CLEC2L: variants seen among roughly 807,000 people sequenced by gnomAD.
CLEC2L encodes C-type lectin domain family 2, member L.
In CLEC2L, 14 loss-of-function variants were observed where a neutral mutation model predicts 23.6. The ratio of observed to expected loss-of-function variants is 0.59; its 90% CI spans 0.39 to 0.93. CLEC2L has a LOEUF of 0.93. CLEC2L is among the 40% of genes least tolerant of loss of function. CLEC2L has a pLI of 0.00. For missense variants in CLEC2L, 264 were observed against 282.4 expected (o/e 0.93, Z 0.47); for synonymous variants, 114 against 121.3 (o/e 0.94, Z 0.40).
intron 4 of CLEC2L, 26 bp downstream of exon 4, chr7:139,542,147 T>C (rs973057885): frequency 6.5e-7 from 1 of 1,541,312 alleles, no homozygotes; most frequent in East Asian, 2.3e-5. Context: ...ATCTTCTGGC[T>C]ACCGAGCTTA....
chr7:139,531,679 C>T lies in CLEC2L; in HGVS notation c.191-4595C>T, dbSNP rs185096017. Among the ~76,000 whole-genome samples, 293 of 152,106 alleles carry T rather than the reference C, an allele frequency of 1.9e-3. 3 individuals carry two copies. Among genetic ancestry groups the T allele is most frequent in the Admixed American group, 0.014 (218 of 15,268 alleles). On this transcript the variant is annotated intron_variant, in intron 1 of 4. Transcript: ENST00000422142. ...ATCCCAGCACTTTGGGAGGCTGAGG[C>T]GGGTGGATCACCTGAGGTCAGGAGT...
intron 4 of CLEC2L, among the ~76,000 whole-genome samples, chr7:139,543,985 G>A (rs146048822): frequency 6.6e-6 from 1 of 152,326 alleles, no homozygotes; most frequent in East Asian, 1.9e-4. Context: ...TGAGAATGGG[G>A]AAGTGCATGT....
chr7:139,525,586 G>A (rs1446890315), intron 1 of CLEC2L, among the ~76,000 whole-genome samples: 4 of 152,170 alleles, frequency 2.6e-5, no homozygotes, highest in Admixed American at 2.6e-4. Flanking sequence ...TGTTGGAGTG[G>A]CCCTGTGTTC....
chr7:139,534,098 G>A (rs141378214), intron 1 of CLEC2L: 83 of 604,866 alleles, frequency 1.4e-4, no homozygotes, highest in African/African-American at 1.3e-3. Flanking sequence ...ATTGGTGAGA[G>A]GATGTGGAGA....
intron 1 of CLEC2L, among the ~76,000 whole-genome samples, chr7:139,529,299 T>A (rs1449878408): frequency 6.6e-6 from 1 of 152,228 alleles, no homozygotes; most frequent in African/African-American, 2.4e-5. Context: ...CATTACCTCA[T>A]TTTCAAGATG....
At chr7:139,525,527 T>G (rs563577663) in intron 1 of CLEC2L, among the ~76,000 whole-genome samples, 1 of 152,116 alleles carries the variant, frequency 6.6e-6, no homozygotes. Context: ...TTGTGTGGAA[T>G]GGATGGAGGT....
chr7:139,535,549 A>T (rs1797640480), intron 1 of CLEC2L, among the ~76,000 whole-genome samples: 1 of 152,252 alleles, frequency 6.6e-6, no homozygotes, highest in Admixed American at 6.5e-5. Flanking sequence ...CACAATTTTT[A>T]AAATCCTTAA....
chr7:139,526,572 C>T (rs984390559), intron 1 of CLEC2L, among the ~76,000 whole-genome samples: 1 of 152,228 alleles, frequency 6.6e-6, no homozygotes, highest in African/African-American at 2.4e-5. Flanking sequence ...TCAGAGGTTC[C>T]AGGACAGGGA....
At chr7:139,530,851 A>T (rs1321635216) in intron 1 of CLEC2L, among the ~76,000 whole-genome samples, 6 of 150,260 alleles carry the variant, frequency 4.0e-5, no homozygotes, top group Non-Finnish European at 8.9e-5. Flanking sequence ...GCCTCTAGAC[A>T]TCACCACACT....
chr7:139,535,723 T>C (rs1797644122), intron 1 of CLEC2L, among the ~76,000 whole-genome samples: 1 of 150,664 alleles, frequency 6.6e-6, no homozygotes, highest in African/African-American at 2.4e-5. Context: ...AGGAAGTATC[T>C]GTGGAGGAGG....
Position 139,540,244 on chromosome 7 carries a change from G to C in CLEC2L, c.266-77G>C. 1 of 1,463,720 alleles carries C rather than the reference G, an allele frequency of 6.8e-7. No homozygotes were observed. 90.7% of individuals were successfully genotyped at this position (1,463,720 alleles called of 1,614,324 possible). On this transcript the variant is annotated intron_variant, in intron 2 of 4. Coordinates refer to ENST00000422142, the MANE Select transcript of CLEC2L (RefSeq NM_001080511.4). This position sits in a 1 kb window ranked among gnomAD's most constrained non-coding sequence, Gnocchi z 5.8. ...CCTGCAGGACGCCAAAGCTGAGGCA[G>C]GGGAGGGAGCCACAGAAAGCAGAGT...
At position 139,524,010 on chromosome 7, in the gene CLEC2L, C is replaced by A. The variant is rs1797468871; in HGVS notation, c.83C>A (p.Pro28His). The change falls in exon 1 of 5, where the codon CCC becomes CAC. Residue 28 changes from proline (P) to histidine (H), a missense_variant. Physicochemically the swap from Pro to His is moderately conservative, Grantham distance 77. Transcript: ENST00000422142. ...AARPAPAPAAPRPRSPAEAEA... is the reference protein window; with the variant it reads ...AARPAPAPAAHRPRSPAEAEA... ...CGCCCCGCGCCCGCCCCCGCCGCCC[C>A]CAGGCCGCGTTCGCCCGCAGAGGCT... 2 of 1,122,190 alleles carry A rather than the reference C, an allele frequency of 1.8e-6. No homozygotes were observed. Among genetic ancestry groups the A allele is most frequent in the Non-Finnish European group, 2.2e-6 (2 of 917,426 alleles). The allele number at this position is 1,122,190 out of a possible 1,614,324, so 69.5% of individuals were successfully genotyped here.
rs961586974 is a variant in CLEC2L at position 139,539,814 on chromosome 7, G to C, written c.266-507G>C. On this transcript the variant is annotated intron_variant, in intron 2 of 4. Coordinates refer to ENST00000422142, the MANE Select transcript of CLEC2L (RefSeq NM_001080511.4). This position sits in a 1 kb window ranked among gnomAD's most constrained non-coding sequence, Gnocchi z 4.1. ...AGCAGGTCTAGGTCACAGGGGGACA[G>C]GTTGGGACTCAACATTTAAGAACTT... is the stretch of plus-strand genomic sequence containing the variant. 6.0e-6 allele frequency: 1 copy of C among 166,222 alleles called. No homozygotes were observed. The highest frequency in any genetic ancestry group is 1.3e-5 in the Non-Finnish European group (1 of 76,732). The allele number at this position is 166,222 out of a possible 1,614,324, so 10.3% of individuals were successfully genotyped here. A position where few individuals can be genotyped will look rare whatever the true frequency, so the allele number is the denominator to read the frequency against.
chr7:139,542,900 G>A (rs1230490082), intron 4 of CLEC2L, among the ~76,000 whole-genome samples: 1 of 152,204 alleles, frequency 6.6e-6, no homozygotes, highest in African/African-American at 2.4e-5. Context: ...AGGGAAGTGT[G>A]CAGAGGGAAG....
chr7:139,534,501 T>G (rs763619829), intron 1 of CLEC2L: 10 of 777,786 alleles, frequency 1.3e-5, no homozygotes, highest in Admixed American at 5.1e-5. Context: ...AAGACTGGAT[T>G]AAAGAGAAGA....
At chr7:139,526,747 A>G (rs1011957891) in intron 1 of CLEC2L, among the ~76,000 whole-genome samples, 1 of 152,074 alleles carries the variant, frequency 6.6e-6, no homozygotes, top group East Asian at 1.9e-4. Flanking sequence ...GAGGCCCTGG[A>G]GTGTGGGCTG....
At chr7:139,538,682 GA>G (rs1797693440) in intron 2 of CLEC2L, among the ~76,000 whole-genome samples, 2 of 152,210 alleles carry the variant, frequency 1.3e-5, no homozygotes, top group South Asian at 4.1e-4. Context: ...CCGGGAGGCA[GA>G]GGTTGCAGTG....
At chr7:139,538,521 G>C (rs1797691230) in intron 2 of CLEC2L, among the ~76,000 whole-genome samples, 1 of 151,044 alleles carries the variant, frequency 6.6e-6, no homozygotes, top group Admixed American at 6.6e-5. Flanking sequence ...GGTCCAGGTG[G>C]GTGGATCACA....
At chr7:139,525,344 G>T (rs1797491855) in intron 1 of CLEC2L, among the ~76,000 whole-genome samples, 1 of 152,302 alleles carries the variant, frequency 6.6e-6, no homozygotes, top group Non-Finnish European at 1.5e-5. Context: ...GCGAGGTGGG[G>T]ATGGTAATGC....
Sources: gnomAD v4.1 joint callset for allele counts (sites outside exome capture counted in the v4.1 genomes callset) on GRCh38, gnomAD v4.1.1 for gene constraint, Gnocchi (gnomAD v3.1) non-coding constraint, MANE v1.5 for transcripts, NCBI Gene and HGNC (gene_info 2026-07-23, HGNC 2026-07-21) for gene names.